The following UNC13C variants were observed in gnomAD, a reference collection of about 807,000 sequenced individuals.
The protein encoded by UNC13C is unc-13 homolog C.
In UNC13C, 174 loss-of-function variants were observed where a neutral mutation model predicts 245.4. The ratio of observed to expected loss-of-function variants is 0.71; its 90% confidence interval spans 0.63 to 0.80. The LOEUF (loss-of-function observed/expected upper bound fraction) is 0.80. UNC13C is among the 30% of genes least tolerant of loss of function. The probability of loss-of-function intolerance (pLI) is 0.00; values close to 1 mark genes in which losing one functional copy is unlikely to be tolerated. For synonymous variants in UNC13C, 992 were observed against 895.1 expected, an observed-to-expected ratio of 1.11 and a Z score of -1.93; for missense variants, 2,829 against 2,602.9, an observed-to-expected ratio of 1.09 and a Z score of -1.89.
chr15:53,864,046 C>A, the UNC13C span, among the ~76,000 whole-genome samples: 1 of 152,162 alleles, frequency 6.6e-6, no homozygotes. Context: ...CTTGTACATA[C>A]ACTTTTTTGG....
intron 2 of UNC13C, among the ~76,000 whole-genome samples, chr15:54,044,186 T>G (rs1339955161): frequency 2.6e-5 from 4 of 152,214 alleles, no homozygotes. Context: ...TGTAGCCTTT[T>G]GCATCTGATT....
intron 2 of UNC13C, among the ~76,000 whole-genome samples, chr15:54,065,073 T>C (rs1440792017): frequency 6.6e-6 from 1 of 152,236 alleles, no homozygotes; most frequent in African/African-American, 2.4e-5. Context: ...AAATTAGATA[T>C]GCAAACCAGA....
chr15:53,876,064 A>G, the UNC13C span, among the ~76,000 whole-genome samples: 1 of 152,224 alleles, frequency 6.6e-6, no homozygotes, highest in Admixed American at 6.5e-5. Context: ...TTTTTATGCT[A>G]AATACTCTCT....
At chr15:54,387,786 T>C (rs1031504222) in intron 17 of UNC13C, among the ~76,000 whole-genome samples, 3 of 152,158 alleles carry the variant, frequency 2.0e-5, no homozygotes, top group Non-Finnish European at 4.4e-5. Flanking sequence ...TTTTAAAGCT[T>C]ACCTCTTTTA....
At position 54,546,982 on chromosome 15, in the gene UNC13C, C is replaced by T. The variant is rs144176373; in HGVS notation, c.5820+137C>T. ...TGGTATCCAGTTTCTTAACAATGAT[C>T]ATTCAAATGATAGTTTCCTATCCAA... is the stretch of plus-strand genomic sequence containing the variant. On this transcript the variant is annotated intron_variant, in intron 27 of 32. Coordinates refer to ENST00000260323, the MANE Select transcript of UNC13C (RefSeq NM_001080534.3). The T allele has an allele frequency of 1.5e-3, 1,192 of 794,982 alleles. 12 individuals carry two copies. The African/African-American group carries it at 0.02, about 13-fold the overall frequency. 49.2% of individuals were successfully genotyped at this position (794,982 alleles called of 1,614,324 possible). A position where few individuals can be genotyped will look rare whatever the true frequency, so the allele number is the denominator to read the frequency against.
chr15:54,174,054 G>A (rs919442849), intron 4 of UNC13C, among the ~76,000 whole-genome samples: 2 of 152,106 alleles, frequency 1.3e-5, no homozygotes, highest in Non-Finnish European at 2.9e-5. Context: ...AATAGGTCAT[G>A]ATATATTTCC....
chr15:54,503,398 C>T (rs1460339556), intron 22 of UNC13C, among the ~76,000 whole-genome samples: 1 of 150,676 alleles, frequency 6.6e-6, no homozygotes, highest in Non-Finnish European at 1.5e-5. Context: ...AAATAAGAAA[C>T]ATCAGTCAAA....
chr15:54,417,376 C>T (rs1238679423), intron 19 of UNC13C, among the ~76,000 whole-genome samples: 1 of 152,072 alleles, frequency 6.6e-6, no homozygotes, highest in Non-Finnish European at 1.5e-5. Context: ...CTGTTCTCCC[C>T]TTTTGTTTGA....
intron 18 of UNC13C, among the ~76,000 whole-genome samples, chr15:54,400,245 G>T (rs747849482): frequency 2.2e-4 from 33 of 151,886 alleles, no homozygotes; most frequent in Non-Finnish European, 4.0e-4. Context: ...AAATGCTCCT[G>T]ATTTTCTTTA....
chr15:54,166,173 T>C (rs1431185556), intron 4 of UNC13C, among the ~76,000 whole-genome samples: 2 of 152,152 alleles, frequency 1.3e-5, no homozygotes, highest in African/African-American at 2.4e-5. Context: ...ACTAAATCTA[T>C]CCATATTCTC....
intron 19 of UNC13C, among the ~76,000 whole-genome samples, chr15:54,448,803 T>G (rs1395719448): frequency 6.6e-6 from 1 of 152,212 alleles, no homozygotes; most frequent in Non-Finnish European, 1.5e-5. Context: ...ATGTGTGAAT[T>G]TGATCCTGTC....
intron 32 of UNC13C, among the ~76,000 whole-genome samples, chr15:54,626,230 C>G (rs140558345): frequency 6.6e-6 from 1 of 152,258 alleles, no homozygotes; most frequent in East Asian, 1.9e-4. Flanking sequence ...AGGCCACACA[C>G]TTGACAGGTC....
chr15:54,500,213 A>G (rs1426075788), intron 21 of UNC13C, 38 bp downstream of exon 21: 1 of 1,422,172 alleles, frequency 7.0e-7, no homozygotes, highest in Non-Finnish European at 9.8e-7. Context: ...CATTGCCATG[A>G]TTCAGTCACA....
chr15:54,227,937 A>T lies in UNC13C; in HGVS notation c.3072-7093A>T, dbSNP rs118130819. The stretch of plus-strand genomic sequence containing the variant: ...CCAGGCTTGTGTCCTTCCCTTCAGG[A>T]TAGTGAGTTCGCTCTCATTGCTGGT... On this transcript the variant is annotated intron_variant, in intron 4 of 32. Transcript: ENST00000260323. 5.9e-3 allele frequency among the ~76,000 whole-genome samples: 899 copies of T among 152,296 alleles called. 2 individuals are homozygous for T. The highest frequency in any genetic ancestry group is 0.017 in the Middle Eastern group (5 of 294).
chr15:54,148,524 C>T (rs1463582163), intron 4 of UNC13C, among the ~76,000 whole-genome samples: 1 of 152,212 alleles, frequency 6.6e-6, no homozygotes, highest in Non-Finnish European at 1.5e-5. Context: ...TCCTCACACT[C>T]TCTTCCTCTT....
chr15:54,088,420 T>C (rs990168812), intron 2 of UNC13C, among the ~76,000 whole-genome samples: 1 of 152,170 alleles, frequency 6.6e-6, no homozygotes, highest in African/African-American at 2.4e-5. Flanking sequence ...GAAATGTTTT[T>C]AATCCACATC....
chr15:54,288,827 A>T (rs1178841542), intron 10 of UNC13C, among the ~76,000 whole-genome samples: 1 of 152,006 alleles, frequency 6.6e-6, no homozygotes, highest in Admixed American at 6.6e-5. Context: ...GTAAGCCTGG[A>T]CAATTTTGTC....
At chr15:54,489,555 G>A (rs582410) in intron 19 of UNC13C, among the ~76,000 whole-genome samples, 21,309 of 152,138 alleles carry the variant, frequency 0.14, 1,525 homozygotes, top group Non-Finnish European at 0.17. Flanking sequence ...AGAAAGCAGA[G>A]CACTCTGGAG....
chr15:54,202,905 T>C (rs34039941), intron 4 of UNC13C, among the ~76,000 whole-genome samples: 2,748 of 152,070 alleles, frequency 0.018, 62 homozygotes, highest in Admixed American at 0.068. Context: ...AGAAAATCTT[T>C]ACAATCAATA....
Sources: gnomAD v4.1 joint callset for allele counts (sites outside exome capture counted in the v4.1 genomes callset) on GRCh38, gnomAD v4.1.1 for gene constraint, MANE v1.5 for transcripts, NCBI Gene and HGNC (gene_info 2026-07-23, HGNC 2026-07-21) for gene names.